CDH4: variants seen among roughly 807,000 people sequenced by gnomAD.
CDH4 encodes cadherin-4.
A neutral mutation model predicts 86.0 loss-of-function variants in CDH4; 33 were observed. That is an observed-to-expected ratio of 0.38 (90% confidence interval 0.29 to 0.51). The LOEUF (loss-of-function observed/expected upper bound fraction) is 0.51, where lower values mean the gene tolerates loss of function less well. Ranked by LOEUF, CDH4 falls within the 20% of genes least tolerant of loss-of-function variation. CDH4 has a pLI of 0.86. For missense variants in CDH4, 1,114 were observed against 1,307.4 expected, an observed-to-expected ratio of 0.85 and a Z score of 2.28; for synonymous variants, 555 against 549.4, an observed-to-expected ratio of 1.01 and a Z score of -0.14.
At chr20:61,539,723 C>T (rs990232983) in intron 2 of CDH4, among the ~76,000 whole-genome samples, 1 of 152,346 alleles carries the variant, frequency 6.6e-6, no homozygotes. Flanking sequence ...TGGCTTGGGG[C>T]TCCTGGTGGT....
At chr20:61,281,997 C>A (rs1488735049) in intron 2 of CDH4, among the ~76,000 whole-genome samples, 1 of 152,168 alleles carries the variant, frequency 6.6e-6, no homozygotes, top group East Asian at 1.9e-4. Flanking sequence ...AGTCAGCAGC[C>A]ATGGTCACGT....
At chr20:61,587,404 C>G (rs1395219755) in intron 2 of CDH4, among the ~76,000 whole-genome samples, 1 of 152,200 alleles carries the variant, frequency 6.6e-6, no homozygotes, top group African/African-American at 2.4e-5. Context: ...AGCAGGGGCA[C>G]AGCCTGCTGG....
At chr20:61,897,017 T>G (rs1436502224) in intron 8 of CDH4, among the ~76,000 whole-genome samples, 2 of 152,116 alleles carry the variant, frequency 1.3e-5, no homozygotes, top group Non-Finnish European at 1.5e-5. Context: ...ACCGGCAGGA[T>G]GTCCCTGACC....
intron 4 of CDH4, among the ~76,000 whole-genome samples, chr20:61,818,987 C>T (rs1394156647): frequency 6.6e-6 from 1 of 152,262 alleles, no homozygotes; most frequent in Admixed American, 6.5e-5. Context: ...GCCCTTGGAA[C>T]TGTCGGGAGA....
At chr20:61,683,306 GAGAA>G (rs1222676276) in intron 2 of CDH4, among the ~76,000 whole-genome samples, 7 of 152,228 alleles carry the variant, frequency 4.6e-5, no homozygotes, top group Admixed American at 4.6e-4. Context: ...TAAGATGGCA[GAGAA>G]AGAAACGATC....
At position 61,736,002 on chromosome 20, in the gene CDH4, T is replaced by G. The variant is rs536756382; in HGVS notation, c.170-7561T>G. Reference sequence around the variant, plus strand: ...TTAACATTGGGCCCTAAAGGGGGTGTCTGGGTGTGGCTTCCACTCAGGACA... The same window carrying G: ...TTAACATTGGGCCCTAAAGGGGGTGGCTGGGTGTGGCTTCCACTCAGGACA... On this transcript the variant is annotated intron_variant, in intron 2 of 15. Transcript: ENST00000614565. 2.6e-5 allele frequency among the ~76,000 whole-genome samples: 4 copies of G among 152,222 alleles called. No homozygotes were observed. In the South Asian group the frequency reaches 8.3e-4, roughly 32 times the overall value.
At chr20:61,346,675 C>T (rs953364378) in intron 2 of CDH4, among the ~76,000 whole-genome samples, 1 of 150,618 alleles carries the variant, frequency 6.6e-6, no homozygotes, top group Admixed American at 6.6e-5. Context: ...ACCCAGGAAG[C>T]GGAGGTTTCA....
chr20:61,731,305 C>T (rs1342658672), intron 2 of CDH4, among the ~76,000 whole-genome samples: 2 of 152,276 alleles, frequency 1.3e-5, no homozygotes, highest in East Asian at 1.9e-4. Flanking sequence ...GCCCCTCACA[C>T]GTGCCCAGTC....
At chr20:61,707,995 G>C (rs1568768559) in intron 2 of CDH4, among the ~76,000 whole-genome samples, 1 of 152,190 alleles carries the variant, frequency 6.6e-6, no homozygotes, top group Non-Finnish European at 1.5e-5. Context: ...CCAGGCTTTG[G>C]AGGGAGAGAC....
intron 2 of CDH4, among the ~76,000 whole-genome samples, chr20:61,319,535 T>C (rs1029813097): frequency 1.3e-5 from 2 of 152,124 alleles, no homozygotes; most frequent in South Asian, 2.1e-4. Context: ...TTCAGTTCTT[T>C]TGGATAAATA....
intron 2 of CDH4, among the ~76,000 whole-genome samples, chr20:61,620,175 T>C (rs1241232808): frequency 2.5e-5 from 2 of 79,768 alleles, no homozygotes; most frequent in Admixed American, 1.5e-4. Context: ...GATGGATGGA[T>C]GGGTGGGTGG....
intron 2 of CDH4, among the ~76,000 whole-genome samples, chr20:61,683,231 A>G (rs2087536745): frequency 6.6e-6 from 1 of 152,198 alleles, no homozygotes; most frequent in African/African-American, 2.4e-5. Context: ...AGGGCAGACG[A>G]TAAGTCTTGA....
At chr20:61,780,757 T>C (rs1978497055) in intron 4 of CDH4, among the ~76,000 whole-genome samples, 3 of 152,174 alleles carry the variant, frequency 2.0e-5, no homozygotes, top group African/African-American at 7.2e-5. Context: ...GACTCCACGC[T>C]CGAAGGGAGA....
At chr20:61,704,095 C>G (rs1008656136) in intron 2 of CDH4, among the ~76,000 whole-genome samples, 39 of 151,932 alleles carry the variant, frequency 2.6e-4, no homozygotes, top group Non-Finnish European at 5.4e-4. Context: ...GTCTTGGGGT[C>G]GGGCACCAGT....
chr20:61,761,746 G>A (rs561540189), intron 3 of CDH4, among the ~76,000 whole-genome samples: 14 of 152,292 alleles, frequency 9.2e-5, no homozygotes, highest in South Asian at 4.2e-4. Context: ...AGAAGACGCC[G>A]TGGCCTCAGC....
At chr20:61,398,394 G>A (rs1445124287) in intron 2 of CDH4, among the ~76,000 whole-genome samples, 1 of 152,220 alleles carries the variant, frequency 6.6e-6, no homozygotes, top group African/African-American at 2.4e-5. Context: ...GTGAGGCAGG[G>A]CTCCCCAGGG....
chr20:61,894,901 C>T lies in CDH4; in HGVS notation c.1051-9C>T, dbSNP rs1307139677. 1 of 1,608,862 alleles carries T rather than the reference C, an allele frequency of 6.2e-7. No individual in the cohort carries two copies. The highest frequency in any genetic ancestry group is 8.5e-7 in the Non-Finnish European group (1 of 1,177,778). The stretch of plus-strand genomic sequence containing the variant: ...TTCTGTTCTTTCTCAACTGGTGTCT[C>T]CCTTCCAGAAAGTTCAGCAGTACAC... On this transcript the variant is annotated splice_polypyrimidine_tract_variant and intron_variant, in intron 7 of 15. Transcript: ENST00000614565.
chr20:61,669,513 G>C (rs1241813301), intron 2 of CDH4, among the ~76,000 whole-genome samples: 1 of 152,226 alleles, frequency 6.6e-6, no homozygotes, highest in Non-Finnish European at 1.5e-5. Context: ...TTGGAACTTA[G>C]GTGGCCTATG....
intron 2 of CDH4, among the ~76,000 whole-genome samples, chr20:61,429,730 AATAG>A (rs1311799516): frequency 5.4e-5 from 7 of 130,116 alleles, no homozygotes. Context: ...TGGGTGCATG[AATAG>A]ATGGATGGAT....
Sources: allele counts gnomAD v4.1 joint callset (sites outside exome capture counted in the v4.1 genomes callset), GRCh38; gene constraint gnomAD v4.1.1; transcripts MANE v1.5; gene names NCBI Gene and HGNC (gene_info 2026-07-23, HGNC 2026-07-21).